Variants in SDR42E2 observed in about 807,000 individuals in gnomAD.
SDR42E2 encodes the protein short chain dehydrogenase/reductase family 42E, member 2, also known as putative short-chain dehydrogenase/reductase family 42E member 2.
Under a neutral mutation model 10.5 loss-of-function variants are expected in SDR42E2, and 20 were observed. The observed-to-expected ratio is 1.90, with a 90% CI of 1.34 to 2.77. The LOEUF is 2.77. SDR42E2 is among the 30% of genes most tolerant of loss of function. The pLI is 0.00. For missense variants in SDR42E2, 162 were observed against 104.2 expected (o/e 1.55, Z -2.42); for synonymous variants, 72 against 39.2 (o/e 1.84, Z -3.12).
chr16:22,174,494 C>T (rs1242424014), intron 7 of SDR42E2, among the ~76,000 whole-genome samples: 1 of 152,016 alleles, frequency 6.6e-6, no homozygotes, highest in Non-Finnish European at 1.5e-5. Context: ...TGCTGCAGCC[C>T]CAGCTGAGCA....
At chr16:22,178,289 C>A in intron 8 of SDR42E2, 77 bp downstream of exon 8, 2 of 659,636 alleles carry the variant, frequency 3.0e-6, no homozygotes, top group Non-Finnish European at 5.5e-6. Context: ...GCCCTCCCAG[C>A]CCCTGGTCGC....
intron 7 of SDR42E2, among the ~76,000 whole-genome samples, chr16:22,177,369 G>A (rs749863797): frequency 6.6e-6 from 1 of 152,140 alleles, no homozygotes; most frequent in South Asian, 2.1e-4. Context: ...GCTCATGCCT[G>A]TAATACTAGC....
intron 7 of SDR42E2, among the ~76,000 whole-genome samples, chr16:22,175,819 C>A (rs2046640301): frequency 6.6e-6 from 1 of 151,754 alleles, no homozygotes; most frequent in Non-Finnish European, 1.5e-5. Flanking sequence ...ATAGCGAAGC[C>A]CCTCCTCTAC....
intron 6 of SDR42E2, among the ~76,000 whole-genome samples, chr16:22,171,667 G>A (rs1318576536): frequency 6.6e-6 from 1 of 152,096 alleles, no homozygotes; most frequent in East Asian, 1.9e-4. Flanking sequence ...CCAGTAGCTG[G>A]GACTACAGTC....
In SDR42E2 at chr16:22,191,668, A is replaced by G. The variant is rs1471104030; in HGVS notation, c.*1275A>G. ...AGTAAGCACAGGTTTTAGTACCAGAAAGAGCATGAAAAATTTAAAAAAAAA... is the reference window on the plus strand; with the variant it reads ...AGTAAGCACAGGTTTTAGTACCAGAGAGAGCATGAAAAATTTAAAAAAAAA... On this transcript the variant is annotated 3_prime_UTR_variant, in exon 13 of 13. Coordinates refer to ENST00000602312, the MANE Select transcript of SDR42E2 (RefSeq NM_001394319.2). 1.3e-5 allele frequency: 2 copies of G among 152,060 alleles called. No individual in the cohort carries two copies. The highest frequency in any genetic ancestry group is 2.9e-5 in the Non-Finnish European group (2 of 68,018). 9.4% of individuals were successfully genotyped at this position (152,060 alleles called of 1,614,324 possible).
At chr16:22,183,426 T>C (rs1312274296) in intron 10 of SDR42E2, among the ~76,000 whole-genome samples, 1 of 152,196 alleles carries the variant, frequency 6.6e-6, no homozygotes, top group Non-Finnish European at 1.5e-5. Flanking sequence ...CCATTATGTG[T>C]TGAGGCTCGG....
In SDR42E2 at chr16:22,162,529, G is replaced by A. The variant is rs1017288685; in HGVS notation, c.-72G>A. ...CTGGCGGCGCGGAGACTGGCGCAGC[G>A]CGGGGAGCACGCAGCGCCGCGGGAG... On this transcript the variant is annotated 5_prime_UTR_variant, in exon 1 of 13. Coordinates refer to ENST00000602312, the MANE Select transcript of SDR42E2 (RefSeq NM_001394319.2). Among the ~76,000 whole-genome samples the A allele has an allele frequency of 1.3e-5, 2 of 152,030 alleles. No individual in the cohort carries two copies. Among genetic ancestry groups the A allele is most frequent in the Admixed American group, 6.5e-5 (1 of 15,274 alleles).
At chr16:22,188,168 CA>C (rs201570268) in intron 12 of SDR42E2, among the ~76,000 whole-genome samples, 9 of 150,124 alleles carry the variant, frequency 6.0e-5, no homozygotes, top group East Asian at 3.9e-4. Flanking sequence ...TTAAAAAGGT[CA>C]AAAAAAAATC....
chr16:22,170,491 T>C (rs2046589020), intron 5 of SDR42E2, among the ~76,000 whole-genome samples: 1 of 152,214 alleles, frequency 6.6e-6, no homozygotes, highest in Non-Finnish European at 1.5e-5. Context: ...AGTGTCTTTT[T>C]CTAAGTCTCC....
chr16:22,181,696 G>T, intron 9 of SDR42E2, 40 bp downstream of exon 9: 1 of 695,812 alleles, frequency 1.4e-6, no homozygotes, highest in Non-Finnish European at 2.6e-6. Context: ...TTCCCCACAG[G>T]GCTGCAGGCA....
rs1216824119 is a variant in SDR42E2, at chr16:22,190,865, C to G, written c.*472C>G. On this transcript the variant is annotated 3_prime_UTR_variant, in exon 13 of 13. Transcript: ENST00000602312. ...CCTAGCCCCGCCCCCGTTTTATAAC[C>G]CCGCCCCTGCTTCACGGCTTGGGCA... 6.5e-6 allele frequency: 1 copy of G among 154,704 alleles called. No homozygotes were observed. The highest frequency in any genetic ancestry group is 1.4e-5 in the Non-Finnish European group (1 of 70,100). 9.6% of individuals were successfully genotyped at this position (154,704 alleles called of 1,614,324 possible).
At chr16:22,183,685 C>T (rs2046714433) in intron 10 of SDR42E2, among the ~76,000 whole-genome samples, 1 of 152,202 alleles carries the variant, frequency 6.6e-6, no homozygotes, top group Admixed American at 6.5e-5. Context: ...CATATCCTAC[C>T]ACCCTCCACA....
chr16:22,168,279 T>C (rs1285322810), intron 4 of SDR42E2, among the ~76,000 whole-genome samples: 1 of 151,932 alleles, frequency 6.6e-6, no homozygotes, highest in Non-Finnish European at 1.5e-5. Context: ...TATTTATTTA[T>C]TTTTGAGACG....
intron 11 of SDR42E2, among the ~76,000 whole-genome samples, chr16:22,186,471 T>G (rs2142082536): frequency 6.6e-6 from 1 of 152,314 alleles, no homozygotes; most frequent in Non-Finnish European, 1.5e-5. Context: ...CCTCCCAAAG[T>G]GCTGGGATTA....
At chr16:22,164,605 T>C (rs1284789928) in intron 1 of SDR42E2, among the ~76,000 whole-genome samples, 7 of 152,066 alleles carry the variant, frequency 4.6e-5, no homozygotes, top group African/African-American at 1.4e-4. Context: ...CCTAGGCCCA[T>C]AGACCAGACC....
At chr16:22,177,375 C>T (rs1415689930) in intron 7 of SDR42E2, among the ~76,000 whole-genome samples, 1 of 152,096 alleles carries the variant, frequency 6.6e-6, no homozygotes, top group Non-Finnish European at 1.5e-5. Context: ...GCCTGTAATA[C>T]TAGCACTTCA....
chr16:22,177,184 G>A (rs1200468426), intron 7 of SDR42E2, among the ~76,000 whole-genome samples: 4 of 152,048 alleles, frequency 2.6e-5, no homozygotes, highest in Non-Finnish European at 2.9e-5. Context: ...CCATAGGCAG[G>A]GATTATAACA....
Position 22,170,814 on chromosome 16 carries a change from T to A in SDR42E2, c.395-19T>A. The A allele has an allele frequency of 1.4e-6, 1 of 703,028 alleles. No homozygotes were observed. The allele number at this position is 703,028 out of a possible 1,614,324, so 43.5% of individuals were successfully genotyped here. On this transcript the variant is annotated intron_variant, in intron 5 of 12. Transcript: ENST00000602312. ...GTGTGTGTGTGTTTATTTGTTGCTA[T>A]GTGCACCTGCTGCTGCAGTCTGTGT...
At chr16:22,177,229 T>C (rs746242019) in intron 7 of SDR42E2, among the ~76,000 whole-genome samples, 11 of 152,156 alleles carry the variant, frequency 7.2e-5, no homozygotes, top group Non-Finnish European at 2.9e-5. Context: ...ACCAGGAACA[T>C]AGAAGGACCT....
Sources: allele counts gnomAD v4.1 joint callset (sites outside exome capture counted in the v4.1 genomes callset), GRCh38; gene constraint gnomAD v4.1.1; transcripts MANE v1.5; gene names NCBI Gene and HGNC (gene_info 2026-07-23, HGNC 2026-07-21).